ICA1L: variants seen among roughly 807,000 people sequenced by gnomAD.
ICA1L encodes the protein islet cell autoantigen 1 like, also known as islet cell autoantigen 1-like protein.
In ICA1L, 50 loss-of-function variants were observed where a neutral mutation model predicts 61.3. The observed-to-expected ratio is 0.82, with a 90% CI of 0.65 to 1.03. ICA1L has a LOEUF of 1.03. Ranked by LOEUF, ICA1L falls within the 50% of genes least tolerant of loss-of-function variation. ICA1L has a pLI of 0.00. For missense variants in ICA1L, 508 were observed against 556.7 expected, an observed-to-expected ratio of 0.91 and a Z score of 0.88; for synonymous variants, 161 against 191.3, an observed-to-expected ratio of 0.84 and a Z score of 1.31.
intron 9 of ICA1L, among the ~76,000 whole-genome samples, chr2:202,803,206 G>A (rs947818243): frequency 6.6e-6 from 1 of 151,898 alleles, no homozygotes; most frequent in Admixed American, 6.6e-5. Context: ...TCAGGAGTTC[G>A]AGACCAGCCT....
intron 9 of ICA1L, among the ~76,000 whole-genome samples, chr2:202,806,244 C>G (rs1048064209): frequency 6.6e-6 from 1 of 152,136 alleles, no homozygotes; most frequent in Non-Finnish European, 1.5e-5. Context: ...TGTCTTGCAA[C>G]TTGGATACCA....
intron 10 of ICA1L, among the ~76,000 whole-genome samples, chr2:202,791,841 T>C (rs761191334): frequency 4.6e-5 from 7 of 151,220 alleles, no homozygotes; most frequent in Non-Finnish European, 8.8e-5. Context: ...GCAAAACTCT[T>C]GTCTCAAAAA....
chr2:202,823,767 T>C (rs188220919), intron 3 of ICA1L, among the ~76,000 whole-genome samples: 64 of 152,334 alleles, frequency 4.2e-4, no homozygotes, highest in African/African-American at 1.3e-3. Flanking sequence ...TAATCCACAG[T>C]TATTCTTCAT....
At chr2:202,859,653 G>A (rs189772229) in intron 1 of ICA1L, among the ~76,000 whole-genome samples, 1 of 152,064 alleles carries the variant, frequency 6.6e-6, no homozygotes, top group Non-Finnish European at 1.5e-5. Context: ...CCACAGAGAG[G>A]TTACCATCTT....
intron 1 of ICA1L, among the ~76,000 whole-genome samples, chr2:202,831,123 AAG>A (rs1480286341): frequency 2.0e-5 from 3 of 152,204 alleles, no homozygotes; most frequent in Non-Finnish European, 4.4e-5. Context: ...AAAGTCCACA[AAG>A]TGGCCAATTT....
At chr2:202,863,873 C>T (rs1247217932) in intron 1 of ICA1L, among the ~76,000 whole-genome samples, 1 of 150,266 alleles carries the variant, frequency 6.7e-6, no homozygotes, top group Non-Finnish European at 1.5e-5. Context: ...ATAGATCCTA[C>T]AGACATTAAA....
chr2:202,793,104 C>G (rs867841049), intron 10 of ICA1L, among the ~76,000 whole-genome samples: 21 of 152,086 alleles, frequency 1.4e-4, no homozygotes, highest in South Asian at 6.2e-4. Context: ...AAATTAGGAA[C>G]TGTTAGAATG....
At chr2:202,821,900 A>G (rs2105852728) in intron 3 of ICA1L, 1 of 154,752 alleles carries the variant, frequency 6.5e-6, no homozygotes. Flanking sequence ...TCCTGGCTTC[A>G]GTTTCCTGTG....
At chr2:202,847,703 A>ATATATACATATATATATATATATATG (rs11274512) in intron 1 of ICA1L, among the ~76,000 whole-genome samples, 2 of 131,234 alleles carry the variant, frequency 1.5e-5, no homozygotes, top group Non-Finnish European at 3.2e-5. Flanking sequence ...AATTATATAT[A>ATATATACATATATATATATATATATG]TATATAGTTA....
At chr2:202,795,289 C>T (rs1692892691) in intron 10 of ICA1L, among the ~76,000 whole-genome samples, 1 of 152,124 alleles carries the variant, frequency 6.6e-6, no homozygotes, top group Admixed American at 6.5e-5. Context: ...CCGCGCCCGG[C>T]CCTAAAACTA....
intron 1 of ICA1L, among the ~76,000 whole-genome samples, chr2:202,864,516 T>G (rs1052150011): frequency 6.6e-6 from 1 of 152,048 alleles, no homozygotes; most frequent in Non-Finnish European, 1.5e-5. Flanking sequence ...TACAGGCGCC[T>G]ACAGACCAAT....
At chr2:202,841,505 G>C in intron 1 of ICA1L, 1 of 747,030 alleles carries the variant, frequency 1.3e-6, no homozygotes. Context: ...CTTCTCCTGG[G>C]TGCACACGGC....
intron 2 of ICA1L, among the ~76,000 whole-genome samples, chr2:202,826,013 T>G (rs914124229): frequency 1.3e-5 from 2 of 151,818 alleles, no homozygotes; most frequent in Non-Finnish European, 2.9e-5. Context: ...AACTGAAGAG[T>G]TTGTCCTCAT....
chr2:202,835,595 G>A (rs565233504), intron 1 of ICA1L, among the ~76,000 whole-genome samples: 18 of 150,192 alleles, frequency 1.2e-4, no homozygotes, highest in Admixed American at 5.3e-4. Flanking sequence ...TACCCAGGCC[G>A]GAGTGCAATG....
At chr2:202,870,675 A>T (rs1687677331) in intron 1 of ICA1L, 1 of 152,250 alleles carries the variant, frequency 6.6e-6, no homozygotes, top group African/African-American at 2.4e-5. Context: ...GAACCAAATA[A>T]ATCAATACAT....
intron 4 of ICA1L, among the ~76,000 whole-genome samples, 160 bp downstream of exon 4, chr2:202,821,198 T>C (rs1693693184): frequency 6.6e-6 from 1 of 152,206 alleles, no homozygotes; most frequent in Non-Finnish European, 1.5e-5. Context: ...AATACAAAAT[T>C]AGTAATTAAG....
chr2:202,815,910 C>A lies in ICA1L; in HGVS notation c.783+1G>T. On this transcript the variant is annotated splice_donor_variant, in intron 7 of 12. Coordinates refer to ENST00000358299, the MANE Select transcript of ICA1L (RefSeq NM_001288622.3). LOFTEE classifies it high-confidence loss of function. ...ACAAGAGAACATGGAACACAATGTACCTTGAGAGCTACAAAATCATACGGA... is the reference window on the plus strand; with the variant it reads ...ACAAGAGAACATGGAACACAATGTAACTTGAGAGCTACAAAATCATACGGA... The A allele has an allele frequency of 6.4e-7, 1 of 1,557,088 alleles. No individual in the cohort carries two copies. The highest frequency in any genetic ancestry group is 8.7e-7 in the Non-Finnish European group (1 of 1,145,044).
At chr2:202,796,788 A>G (rs1692938494) in intron 10 of ICA1L, 102 bp downstream of exon 10, 1 of 640,748 alleles carries the variant, frequency 1.6e-6, no homozygotes. Context: ...TTGCATTCTT[A>G]TGTAGAGACC....
At chr2:202,842,061 G>A (rs999522785) in intron 1 of ICA1L, among the ~76,000 whole-genome samples, 1 of 151,908 alleles carries the variant, frequency 6.6e-6, no homozygotes, top group Non-Finnish European at 1.5e-5. Context: ...CACCATGTTG[G>A]CCAGGCTGGT....
Sources: allele counts gnomAD v4.1 joint callset (sites outside exome capture counted in the v4.1 genomes callset), GRCh38; gene constraint gnomAD v4.1.1; transcripts MANE v1.5; gene names NCBI Gene and HGNC (gene_info 2026-07-23, HGNC 2026-07-21).